Variants in LDB2 observed in about 807,000 individuals in gnomAD.
LDB2 encodes the protein LIM domain-binding protein 2.
In LDB2, 12 loss-of-function variants were observed where a neutral mutation model predicts 44.3. The ratio of observed to expected loss-of-function variants is 0.27; its 90% confidence interval spans 0.17 to 0.44. The LOEUF (loss-of-function observed/expected upper bound fraction) is 0.44, where lower values mean the gene tolerates loss of function less well. Ranked by LOEUF, LDB2 falls within the 20% of genes least tolerant of loss-of-function variation. The pLI is 1.00. For missense variants in LDB2, 344 were observed against 473.5 expected (o/e 0.73, Z 2.54); for synonymous variants, 164 against 174.8 (o/e 0.94, Z 0.49).
chr4:16,833,011 A>G (rs745898819), intron 1 of LDB2, among the ~76,000 whole-genome samples: 12 of 152,248 alleles, frequency 7.9e-5, no homozygotes, highest in Non-Finnish European at 5.9e-5. Context: ...TAAGGAAACA[A>G]ACAGCGATGA....
At chr4:16,693,621 C>A (rs1175529749) in intron 2 of LDB2, among the ~76,000 whole-genome samples, 1 of 152,082 alleles carries the variant, frequency 6.6e-6, no homozygotes, top group African/African-American at 2.4e-5. Flanking sequence ...TCTTTTCTTG[C>A]TGAATCTGAT....
chr4:16,873,283 C>A (rs1717258483), intron 1 of LDB2, among the ~76,000 whole-genome samples: 1 of 152,172 alleles, frequency 6.6e-6, no homozygotes, highest in South Asian at 2.1e-4. Flanking sequence ...ATGATAGTGA[C>A]TAAGAGACAA....
chr4:16,713,582 T>C (rs1756404229), intron 2 of LDB2, among the ~76,000 whole-genome samples: 1 of 152,178 alleles, frequency 6.6e-6, no homozygotes, highest in African/African-American at 2.4e-5. Context: ...AATCATTGTG[T>C]AGTCTTCATT....
intron 2 of LDB2, among the ~76,000 whole-genome samples, chr4:16,666,912 A>C (rs538726056): frequency 3.2e-4 from 49 of 152,252 alleles, no homozygotes; most frequent in Non-Finnish European, 5.6e-4. Flanking sequence ...TTCCCTCCAC[A>C]TTGGTCAGCT....
At chr4:16,656,718 T>C (rs1453775961) in intron 2 of LDB2, among the ~76,000 whole-genome samples, 1 of 152,226 alleles carries the variant, frequency 6.6e-6, no homozygotes, top group Admixed American at 6.5e-5. Context: ...ATCATGCCAA[T>C]GTAAGTTTAG....
At chr4:16,517,188 G>T (rs552748586) in intron 5 of LDB2, among the ~76,000 whole-genome samples, 1 of 152,108 alleles carries the variant, frequency 6.6e-6, no homozygotes, top group Admixed American at 6.5e-5. Context: ...TCTGGTGAAG[G>T]CTATACAGCC....
At chr4:16,853,903 C>T (rs970158508) in intron 1 of LDB2, among the ~76,000 whole-genome samples, 2 of 152,070 alleles carry the variant, frequency 1.3e-5, no homozygotes, top group African/African-American at 4.8e-5. Flanking sequence ...CACAATCTCA[C>T]CTAGATGTGA....
chr4:16,657,203 AAATGTGGTTCCTAG>A (rs1181727950), intron 2 of LDB2, among the ~76,000 whole-genome samples: 2 of 152,224 alleles, frequency 1.3e-5, no homozygotes, highest in Non-Finnish European at 1.5e-5. Context: ...TGTTACTGGG[AAATGTGGTTCCTAG>A]AATGTGGTTA....
rs1345732204 is a variant in LDB2 at position 16,502,734 on chromosome 4, G to T, written c.1031C>A (p.Pro344His). 2 of 1,613,972 alleles carry T rather than the reference G, an allele frequency of 1.2e-6. No individual in the cohort carries two copies. The highest frequency in any genetic ancestry group is 1.7e-6 in the Non-Finnish European group (2 of 1,179,962). ...CCACGGGCTGTTGTTCCCCAGCGCG[G>T]GTGAATTGTTGAAGTCCTCCTCGTC... ...MDDEEDFNNSPALGNNSPWNS... is the reference protein window; with the variant it reads ...MDDEEDFNNSHALGNNSPWNS... The change falls in exon 8 of 8, where the codon CCC (proline) becomes CAC (histidine). Residue 344 changes from proline to histidine, a missense_variant. By Grantham distance (77) the Pro-to-His change is moderately conservative. This residue lies in a region of LDB2 where 86 missense variants were observed against 171.2 expected (regional missense o/e 0.50). Coordinates refer to ENST00000304523, the MANE Select transcript of LDB2 (RefSeq NM_001290.5).
intron 2 of LDB2, among the ~76,000 whole-genome samples, chr4:16,630,197 A>T (rs1731514526): frequency 6.6e-6 from 1 of 152,202 alleles, no homozygotes; most frequent in Admixed American, 6.5e-5. Context: ...ATAAAGGTCG[A>T]GTTACCCATA....
intron 2 of LDB2, among the ~76,000 whole-genome samples, chr4:16,725,116 C>T (rs1351342476): frequency 1.3e-5 from 2 of 152,054 alleles, no homozygotes; most frequent in South Asian, 2.1e-4. Flanking sequence ...GAACAGTTCT[C>T]TTGGATAAAT....
At chr4:16,766,301 A>T (rs1324328953) in intron 1 of LDB2, among the ~76,000 whole-genome samples, 2 of 151,840 alleles carry the variant, frequency 1.3e-5, no homozygotes, top group African/African-American at 4.8e-5. Flanking sequence ...ACATGATAGG[A>T]TACATTATGT....
chr4:16,557,008 G>T (rs1017790909), intron 5 of LDB2, among the ~76,000 whole-genome samples: 11 of 152,158 alleles, frequency 7.2e-5, no homozygotes, highest in African/African-American at 2.7e-4. Flanking sequence ...ATTCTAGAGA[G>T]TCATATTAAA....
At chr4:16,770,321 T>G (rs1222238712) in intron 1 of LDB2, among the ~76,000 whole-genome samples, 1 of 152,168 alleles carries the variant, frequency 6.6e-6, no homozygotes, top group Non-Finnish European at 1.5e-5. Flanking sequence ...AATAAATATT[T>G]ATTTAACTAA....
chr4:16,591,318 G>T (rs962022125), intron 3 of LDB2, among the ~76,000 whole-genome samples: 1 of 152,142 alleles, frequency 6.6e-6, no homozygotes, highest in Non-Finnish European at 1.5e-5. Flanking sequence ...AACTTAAATT[G>T]TGTCCTTTGT....
intron 1 of LDB2, among the ~76,000 whole-genome samples, chr4:16,812,246 T>C (rs1440846318): frequency 6.6e-6 from 1 of 152,286 alleles, no homozygotes; most frequent in East Asian, 1.9e-4. Context: ...CTGTCTCCAA[T>C]GTCCAATTAT....
chr4:16,853,565 T>C (rs1248643819), intron 1 of LDB2, among the ~76,000 whole-genome samples: 1 of 152,202 alleles, frequency 6.6e-6, no homozygotes, highest in Non-Finnish European at 1.5e-5. Flanking sequence ...GAAAACAGGA[T>C]GGAGGTTTCC....
rs1208173604 is a variant in LDB2 at position 16,772,578 on chromosome 4, A to G, written c.133-13318T>C. Among the ~76,000 whole-genome samples, 3 of 152,356 alleles carry G rather than the reference A, an allele frequency of 2.0e-5. No homozygotes were observed. In the East Asian group the frequency reaches 5.8e-4, roughly 29 times the overall value. ...TCACTTTAATGTTTTAAATAAATAT[A>G]TGCTGTGAATTAAAAGCATTAAGAA... On this transcript the variant is annotated intron_variant, in intron 1 of 7. Transcript: ENST00000304523.
intron 5 of LDB2, among the ~76,000 whole-genome samples, chr4:16,577,745 A>T (rs1712343068): frequency 6.6e-6 from 1 of 152,178 alleles, no homozygotes; most frequent in Admixed American, 6.5e-5. Flanking sequence ...GGAACCACAA[A>T]ACACCCAGAA....
Sources: gnomAD v4.1 joint callset for allele counts (sites outside exome capture counted in the v4.1 genomes callset) on GRCh38, gnomAD v4.1.1 for gene constraint, gnomAD v4.1.1 regional missense constraint, MANE v1.5 for transcripts, NCBI Gene and HGNC (gene_info 2026-07-23, HGNC 2026-07-21) for gene names.